Variants in IMMP2L observed in about 807,000 individuals in gnomAD.
IMMP2L encodes the protein inner mitochondrial membrane peptidase subunit 2.
IMMP2L carries 18 observed loss-of-function variants against 19.3 expected under a neutral mutation model. The observed-to-expected ratio is 0.93, with a 90% CI of 0.64 to 1.38. The LOEUF is 1.38. Ranked by LOEUF, IMMP2L falls within the 40% of genes most tolerant of loss-of-function variation. The pLI is 0.00. For missense variants in IMMP2L, 233 were observed against 218.2 expected (o/e 1.07, Z -0.43); for synonymous variants, 76 against 73.0 (o/e 1.04, Z -0.21).
Position 111,482,511 on chromosome 7 carries a change from A to G in IMMP2L, c.239+4727T>C, listed in dbSNP as rs571741034. Among the ~76,000 whole-genome samples, 103 of 152,100 alleles carry G rather than the reference A, an allele frequency of 6.8e-4. 2 individuals are homozygous for G. In the South Asian group the frequency reaches 0.02, roughly 30 times the overall value. Reference sequence around the variant, plus strand: ...TTCTAGCTCTCTATAAACTGTGGCCATTTCTCCCACTCACACAGCTCTCCT... The same window carrying G: ...TTCTAGCTCTCTATAAACTGTGGCCGTTTCTCCCACTCACACAGCTCTCCT... On this transcript the variant is annotated intron_variant, in intron 3 of 5. Transcript: ENST00000405709.
chr7:110,675,079 AT>A (rs1252795362), intron 5 of IMMP2L, among the ~76,000 whole-genome samples: 1 of 152,180 alleles, frequency 6.6e-6, no homozygotes, highest in Non-Finnish European at 1.5e-5. Context: ...AGTTAAATAT[AT>A]TTTTTATAAA....
intron 4 of IMMP2L, among the ~76,000 whole-genome samples, chr7:110,952,032 C>G (rs750186483): frequency 1.4e-4 from 22 of 152,212 alleles, no homozygotes; most frequent in Non-Finnish European, 2.4e-4. Context: ...GCTTCTGAAG[C>G]TCAGCTAAAA....
intron 3 of IMMP2L, among the ~76,000 whole-genome samples, chr7:111,282,328 A>G (rs1819980203): frequency 6.6e-6 from 1 of 152,210 alleles, no homozygotes; most frequent in South Asian, 2.1e-4. Context: ...TTCTTACAAA[A>G]ATGGAAATTC....
chr7:110,729,785 C>G (rs1022122303), intron 5 of IMMP2L, among the ~76,000 whole-genome samples: 19 of 152,210 alleles, frequency 1.2e-4, no homozygotes, highest in Non-Finnish European at 8.8e-5. Context: ...GGAGGGAGAG[C>G]ATCAGGAAGA....
intron 5 of IMMP2L, among the ~76,000 whole-genome samples, chr7:110,671,368 T>C (rs546787215): frequency 1.3e-5 from 2 of 152,264 alleles, no homozygotes; most frequent in African/African-American, 4.8e-5. Context: ...ATAGAAGTTC[T>C]AATTTTTTTT....
intron 5 of IMMP2L, among the ~76,000 whole-genome samples, chr7:110,715,470 G>C (rs1377941601): frequency 2.6e-5 from 4 of 151,886 alleles, no homozygotes; most frequent in Admixed American, 6.6e-5. Flanking sequence ...TGTTGTATCT[G>C]GTTTTCATTT....
At position 110,727,777 on chromosome 7, in the gene IMMP2L, G is replaced by A. The variant is rs1423582948; in HGVS notation, c.409-64056C>T. Among the ~76,000 whole-genome samples the A allele has an allele frequency of 6.6e-6, 1 of 152,192 alleles. No individual in the cohort carries two copies. The highest frequency in any genetic ancestry group is 1.9e-4 in the East Asian group (1 of 5,202). Reference sequence around the variant, plus strand: ...AGTATTATTATCTAAGAGAGTCTGGGAAAGTCATGGGACTTACCTGAACTT... The same window carrying A: ...AGTATTATTATCTAAGAGAGTCTGGAAAAGTCATGGGACTTACCTGAACTT... On this transcript the variant is annotated intron_variant, in intron 5 of 5. Transcript: ENST00000405709. The surrounding 1 kb of genome is among the most constrained non-coding windows in gnomAD (Gnocchi z 4.3).
intron 5 of IMMP2L, among the ~76,000 whole-genome samples, chr7:110,706,459 A>C (rs1794687440): frequency 6.6e-6 from 1 of 152,110 alleles, no homozygotes. Context: ...AGCTGAACTC[A>C]TTTACATTAC....
chr7:110,675,547 C>T (rs1525673), intron 5 of IMMP2L, among the ~76,000 whole-genome samples: 148,179 of 152,306 alleles, frequency 0.97, 72,208 homozygotes, highest in Middle Eastern at 1. Flanking sequence ...GAAAACATTA[C>T]TATTGGGTTA....
intron 3 of IMMP2L, chr7:111,483,384 T>G (rs1842358700): frequency 6.6e-6 from 1 of 152,114 alleles, no homozygotes; most frequent in Non-Finnish European, 1.5e-5. Context: ...TATAGAAAAT[T>G]CACCTTACTC....
intron 3 of IMMP2L, among the ~76,000 whole-genome samples, chr7:111,081,225 C>A (rs1306444282): frequency 2.0e-5 from 3 of 152,106 alleles, no homozygotes; most frequent in Non-Finnish European, 4.4e-5. Context: ...AGGAAGAAAT[C>A]TGCAAAAGAC....
chr7:111,164,316 CA>C (rs1805597728), intron 3 of IMMP2L, among the ~76,000 whole-genome samples: 1 of 151,976 alleles, frequency 6.6e-6, no homozygotes, highest in Non-Finnish European at 1.5e-5. Context: ...TCTGGGAAAT[CA>C]AAAAGTGACA....
chr7:111,268,619 G>A (rs1818111203), intron 3 of IMMP2L, among the ~76,000 whole-genome samples: 1 of 66,708 alleles, frequency 1.5e-5, no homozygotes, highest in Non-Finnish European at 2.6e-5. Flanking sequence ...TTGAGACCAA[G>A]TCTTGCTCTG....
intron 3 of IMMP2L, among the ~76,000 whole-genome samples, chr7:111,286,668 G>A (rs37755): frequency 0.084 from 12,812 of 152,020 alleles, 614 homozygotes; most frequent in African/African-American, 0.11. Context: ...TGTCAATTAA[G>A]GGCATATTGA....
At chr7:110,908,532 C>G (rs1383381769) in intron 4 of IMMP2L, among the ~76,000 whole-genome samples, 2 of 152,074 alleles carry the variant, frequency 1.3e-5, no homozygotes, top group East Asian at 1.9e-4. Context: ...TATAATGATA[C>G]TAAAAGTGTA....
chr7:111,197,019 G>C (rs954953929), intron 3 of IMMP2L, among the ~76,000 whole-genome samples: 1 of 152,042 alleles, frequency 6.6e-6, no homozygotes, highest in Non-Finnish European at 1.5e-5. Context: ...AAACTTCCAC[G>C]AACTCTCTTG....
intron 3 of IMMP2L, among the ~76,000 whole-genome samples, chr7:111,254,021 C>A (rs1418039508): frequency 6.6e-6 from 1 of 152,148 alleles, no homozygotes; most frequent in East Asian, 1.9e-4. Flanking sequence ...TCTAACTCCA[C>A]ATAGTGCAAG....
At chr7:111,432,691 A>G (rs925914751) in intron 3 of IMMP2L, among the ~76,000 whole-genome samples, 2 of 151,638 alleles carry the variant, frequency 1.3e-5, no homozygotes, top group South Asian at 2.1e-4. Context: ...CTCTTACTCA[A>G]TATCATACTG....
At chr7:110,874,243 A>G (rs1044536974) in intron 5 of IMMP2L, among the ~76,000 whole-genome samples, 1 of 152,086 alleles carries the variant, frequency 6.6e-6, no homozygotes, top group Admixed American at 6.6e-5. Flanking sequence ...GCTGTAAATA[A>G]CGTTATTAAG....
Sources: gnomAD v4.1 joint callset for allele counts (sites outside exome capture counted in the v4.1 genomes callset) on GRCh38, gnomAD v4.1.1 for gene constraint, Gnocchi (gnomAD v3.1) non-coding constraint, MANE v1.5 for transcripts, NCBI Gene and HGNC (gene_info 2026-07-23, HGNC 2026-07-21) for gene names.